The following EIF2AK4 variants were observed in gnomAD, a reference collection of about 807,000 sequenced individuals.
The protein encoded by EIF2AK4 is eIF-2-alpha kinase GCN2.
Under a neutral mutation model 211.1 loss-of-function variants are expected in EIF2AK4, and 139 were observed. The ratio of observed to expected loss-of-function variants is 0.66; its 90% CI spans 0.57 to 0.76. The LOEUF (loss-of-function observed/expected upper bound fraction) is 0.76, where lower values mean the gene tolerates loss of function less well. EIF2AK4 is among the 30% of genes least tolerant of loss of function. EIF2AK4 has a pLI of 0.00. For missense variants in EIF2AK4, 1,664 were observed against 2,043.8 expected (o/e 0.81, Z 3.58); for synonymous variants, 710 against 751.3 (o/e 0.94, Z 0.90).
intron 27 of EIF2AK4, among the ~76,000 whole-genome samples, chr15:40,013,147 T>A (rs1319761342): frequency 1.3e-5 from 2 of 152,166 alleles, no homozygotes; most frequent in Non-Finnish European, 2.9e-5. Flanking sequence ...TTAAATCGAA[T>A]ACATGATTTT....
chr15:39,946,647 G>A, intron 3 of EIF2AK4: 5 of 700,614 alleles, frequency 7.1e-6, no homozygotes, highest in South Asian at 1.5e-5. Context: ...TGACTCAAAG[G>A]CTATCAAACA....
At chr15:39,999,673 G>C (rs1041137260) in intron 20 of EIF2AK4, among the ~76,000 whole-genome samples, 5 of 152,110 alleles carry the variant, frequency 3.3e-5, no homozygotes, top group African/African-American at 9.7e-5. Context: ...AGTTTAACAT[G>C]ATGGTTATTT....
At chr15:39,945,593 G>A (rs569039722) in intron 3 of EIF2AK4, among the ~76,000 whole-genome samples, 3 of 152,300 alleles carry the variant, frequency 2.0e-5, no homozygotes, top group Non-Finnish European at 2.9e-5. Context: ...CAAGTTACCC[G>A]GAAAAACCTA....
At chr15:39,944,588 T>C (rs373400209) in intron 3 of EIF2AK4, among the ~76,000 whole-genome samples, 14 of 152,072 alleles carry the variant, frequency 9.2e-5, no homozygotes, top group South Asian at 2.1e-4. Flanking sequence ...CCCACCACCA[T>C]GCCCGGCTAA....
chr15:40,017,169 T>A lies in EIF2AK4; in HGVS notation c.3992T>A (p.Phe1331Tyr). Reference protein sequence around the residue: ...VQQHNGIIFQFVAFIKRRQRA... With the variant: ...VQQHNGIIFQYVAFIKRRQRA... ...CAGCACAATGGAATCATCTTCCAGT[T>A]TGTGGCTTTCATCAAACGAAGGCAA... Residue 1331 changes from phenylalanine to tyrosine, a missense_variant, in exon 29 of 39, where the codon TTT (phenylalanine) becomes TAT (tyrosine). Physicochemically the swap from Phe to Tyr is conservative, Grantham distance 22. Around this residue, in one of 7 missense-constraint regions of EIF2AK4, gnomAD observed 622 missense variants for 796.8 expected, o/e 0.78. Coordinates refer to ENST00000263791, the MANE Select transcript of EIF2AK4 (RefSeq NM_001013703.4). 6.2e-7 allele frequency: 1 copy of A among 1,614,046 alleles called. No homozygotes were observed. The highest frequency in any genetic ancestry group is 8.5e-7 in the Non-Finnish European group (1 of 1,179,930).
At chr15:39,954,696 GA>G (rs2034365995) in intron 5 of EIF2AK4, among the ~76,000 whole-genome samples, 1 of 152,230 alleles carries the variant, frequency 6.6e-6, no homozygotes, top group African/African-American at 2.4e-5. Flanking sequence ...GGTGAAAAAG[GA>G]TAGAGTGCTT....
At chr15:39,956,108 C>A (rs868569927) in intron 6 of EIF2AK4, among the ~76,000 whole-genome samples, 3 of 150,762 alleles carry the variant, frequency 2.0e-5, no homozygotes, top group Admixed American at 6.6e-5. Flanking sequence ...TGGGTTCAAG[C>A]GATTCTCCTG....
At position 39,961,883 on chromosome 15, in the gene EIF2AK4, C is replaced by T; in HGVS notation, c.843C>T (p.His281=). Residue 281 remains histidine (H), a synonymous_variant, in exon 7 of 39, where the codon CAC becomes CAT. Transcript: ENST00000263791. ...GGAGTCCTGATCAGCTCATGGTGCA[C>T]AAAGGGAAATGTATTGGTGAGTAAA... ...NMGSPDQLMV[H]KGKCIGSDEQ... 1 of 1,613,062 alleles carries T rather than the reference C, an allele frequency of 6.2e-7. No homozygotes were observed. The highest frequency in any genetic ancestry group is 1.7e-4 in the Middle Eastern group (1 of 6,060).
chr15:39,949,172 G>T lies in EIF2AK4; in HGVS notation c.417G>T (p.Lys139Asn), dbSNP rs757639432. 6.2e-7 allele frequency: 1 copy of T among 1,614,068 alleles called. No homozygotes were observed. The highest frequency in any genetic ancestry group is 1.1e-5 in the South Asian group (1 of 91,084). The change falls in exon 4 of 39, where the codon AAG becomes AAT. Residue 139 changes from lysine (K) to asparagine (N), a missense_variant. Transcript: ENST00000263791. ...AGTCATTTCTCAGCGAGCATAACAA[G>T]CCCCCTCCCAAGTCTTTTCATGAAG... ...HVQSFLSEHN[K>N]PPPKSFHEEM...
chr15:39,956,976 T>C (rs747506028), intron 6 of EIF2AK4, among the ~76,000 whole-genome samples: 8 of 152,208 alleles, frequency 5.3e-5, no homozygotes. Flanking sequence ...TACTATTAGG[T>C]TTAACTAAAT....
intron 14 of EIF2AK4, among the ~76,000 whole-genome samples, chr15:39,986,464 G>T (rs1173055938): frequency 6.6e-6 from 1 of 152,232 alleles, no homozygotes; most frequent in African/African-American, 2.4e-5. Flanking sequence ...GTTCCAATGG[G>T]GCATGACTGA....
intron 8 of EIF2AK4, 116 bp downstream of exon 8, chr15:39,965,959 G>A (rs2034538821): frequency 7.3e-7 from 1 of 1,378,782 alleles, no homozygotes. Flanking sequence ...AGCAGTATGA[G>A]AACTGTTTGA....
intron 1 of EIF2AK4, 64 bp downstream of exon 1, chr15:39,934,403 G>A: frequency 2.0e-6 from 3 of 1,530,832 alleles, no homozygotes; most frequent in Non-Finnish European, 1.8e-6. Flanking sequence ...CTGGGCCAAA[G>A]CCCGGACACT....
intron 3 of EIF2AK4, among the ~76,000 whole-genome samples, chr15:39,948,576 T>C (rs1228396473): frequency 6.6e-6 from 1 of 152,238 alleles, no homozygotes; most frequent in Non-Finnish European, 1.5e-5. Flanking sequence ...TCTAAGTATT[T>C]ATCAGCTTTT....
chr15:39,938,079 A>G (rs1566979090), intron 1 of EIF2AK4, among the ~76,000 whole-genome samples: 1 of 152,154 alleles, frequency 6.6e-6, no homozygotes, highest in Non-Finnish European at 1.5e-5. Context: ...TGTTAAGGAG[A>G]GCACCACGTC....
At chr15:39,962,767 G>T (rs149091684) in intron 7 of EIF2AK4, among the ~76,000 whole-genome samples, 1,713 of 152,292 alleles carry the variant, frequency 0.011, 12 homozygotes, top group Middle Eastern at 0.034. Context: ...CGTGAAGCTG[G>T]TTCAGCAAAT....
intron 32 of EIF2AK4, among the ~76,000 whole-genome samples, chr15:40,024,076 A>G (rs1168393182): frequency 6.6e-6 from 1 of 152,208 alleles, no homozygotes. Context: ...GTTATTATAC[A>G]TGTTTAGGAT....
At chr15:40,034,581 TA>T (rs2035589590) in intron 38 of EIF2AK4, 137 bp downstream of exon 38, 1 of 684,414 alleles carries the variant, frequency 1.5e-6, no homozygotes, top group Non-Finnish European at 2.6e-6. Flanking sequence ...TGACAACCAA[TA>T]AATCTTGCTT....
Position 39,972,349 on chromosome 15 carries a change from C to CAA in EIF2AK4, c.1554-545_1554-544dup, listed in dbSNP as rs71309404. ...TGGGCGATACGGCAAGACCCTATTT[C>CAA]AAAAAAAAAAAAAAAGCATAAACCA... On this transcript the variant is annotated intron_variant, in intron 9 of 38. Transcript: ENST00000263791. Among the ~76,000 whole-genome samples the CAA allele has an allele frequency of 8.5e-4, 99 of 115,890 alleles. 1 individual carries two copies. Among genetic ancestry groups the CAA allele is most frequent in the African/African-American group, 2.2e-3 (61 of 27,688 alleles). 76.0% of individuals were successfully genotyped at this position (115,890 alleles called of 152,430 possible).
Sources: gnomAD v4.1 joint callset for allele counts (sites outside exome capture counted in the v4.1 genomes callset) on GRCh38, gnomAD v4.1.1 for gene constraint, gnomAD v4.1.1 regional missense constraint, MANE v1.5 for transcripts, NCBI Gene and HGNC (gene_info 2026-07-23, HGNC 2026-07-21) for gene names.